The following SRP68 variants were observed in gnomAD, a reference collection of about 807,000 sequenced individuals.
The protein encoded by SRP68 is signal recognition particle subunit SRP68.
In SRP68, 15 loss-of-function variants were observed where a neutral mutation model predicts 82.2. That is an observed-to-expected ratio of 0.18 (90% CI 0.12 to 0.28). SRP68 has a LOEUF of 0.28. SRP68 is among the 10% of genes least tolerant of loss of function. The pLI, the probability that SRP68 is intolerant of heterozygous loss-of-function variation, is 1.00. For missense variants in SRP68, 595 were observed against 780.5 expected, an observed-to-expected ratio of 0.76 and a Z score of 2.83; for synonymous variants, 261 against 292.6, an observed-to-expected ratio of 0.89 and a Z score of 1.10.
In SRP68 at chr17:76,061,535, G is replaced by A; in HGVS notation, c.601C>T (p.His201Tyr). The change falls in exon 5 of 16, where the codon CAT (histidine) becomes TAT (tyrosine). Residue 201 changes from histidine to tyrosine, a missense_variant. Around this residue, in one of 2 missense-constraint regions of SRP68, gnomAD observed 495 missense variants for 688.6 expected, o/e 0.72. Coordinates refer to ENST00000307877, the MANE Select transcript of SRP68 (RefSeq NM_014230.4). ...AYLSGMLRFEHQEWKAAIEAF... is the reference protein window; with the variant it reads ...AYLSGMLRFEYQEWKAAIEAF... ...TCAATGGCAGCTTTCCATTCTTGAT[G>A]TTCAAAACGTAGCATTCCTGAGAGG... 1 of 1,614,034 alleles carries A rather than the reference G, an allele frequency of 6.2e-7. No homozygotes were observed. Among genetic ancestry groups the A allele is most frequent in the Non-Finnish European group, 8.5e-7 (1 of 1,179,992 alleles).
chr17:76,060,651 A>G, intron 6 of SRP68: 1 of 417,950 alleles, frequency 2.4e-6, no homozygotes. Context: ...ATCAAGCGTG[A>G]ACCCTGATGT....
chr17:76,055,959 A>G (rs1304686683), intron 8 of SRP68, among the ~76,000 whole-genome samples: 3 of 151,592 alleles, frequency 2.0e-5, no homozygotes, highest in Non-Finnish European at 4.4e-5. Flanking sequence ...GGTGCACGCC[A>G]CCACGCCCAG....
chr17:76,039,449 C>T lies in SRP68; in HGVS notation c.*257G>A, dbSNP rs2066572192. 1.6e-6 allele frequency: 1 copy of T among 636,474 alleles called. No individual in the cohort carries two copies. Among genetic ancestry groups the T allele is most frequent in the Admixed American group, 2.1e-5 (1 of 47,174 alleles). 39.4% of individuals were successfully genotyped at this position (636,474 alleles called of 1,614,324 possible). A position where few individuals can be genotyped will look rare whatever the true frequency, so the allele number is the denominator to read the frequency against. ...CAATCACAGCTCACAGGGCACCAGA[C>T]AGCAGCGGCCCCTTTCCCAGGAGGT... On this transcript the variant is annotated 3_prime_UTR_variant, in exon 16 of 16. Transcript: ENST00000307877.
rs372120965 is a variant in SRP68 at position 76,045,277 on chromosome 17, C to G, written c.1394+15G>C. ...TGGGAGGCGGAGGAAAACTGCCCAT[C>G]CCATGGGACGTTACCTGTAAGCTTT... On this transcript the variant is annotated intron_variant, in intron 12 of 15. Transcript: ENST00000307877. The G allele has an allele frequency of 3.9e-5, 62 of 1,606,984 alleles. No homozygotes were observed. The highest frequency in any genetic ancestry group is 3.4e-5 in the Admixed American group (2 of 59,632).
In SRP68 at chr17:76,071,185, C is replaced by G. The variant is rs1191954599; in HGVS notation, c.185-741G>C. On this transcript the variant is annotated intron_variant, in intron 1 of 15. Transcript: ENST00000307877. This position sits in a 1 kb window ranked among gnomAD's most constrained non-coding sequence, Gnocchi z 4.7. ...TACTAAGCCTCCATTTGCATAATCT[C>G]CAACACCTGCCAAATCTAACTTTCC... 3.3e-5 allele frequency among the ~76,000 whole-genome samples: 5 copies of G among 152,184 alleles called. No homozygotes were observed. Among genetic ancestry groups the G allele is most frequent in the Non-Finnish European group, 4.4e-5 (3 of 68,036 alleles).
chr17:76,056,651 C>T (rs886783765), intron 8 of SRP68, among the ~76,000 whole-genome samples: 17 of 152,332 alleles, frequency 1.1e-4, no homozygotes, highest in African/African-American at 4.1e-4. Flanking sequence ...AATTCCTCAA[C>T]ACATTAACAA....
intron 8 of SRP68, among the ~76,000 whole-genome samples, chr17:76,054,511 T>G (rs1239285708): frequency 1.3e-5 from 2 of 152,232 alleles, no homozygotes; most frequent in Non-Finnish European, 2.9e-5. Context: ...AAATGGTCCC[T>G]CTTCCACTCA....
At chr17:76,061,938 A>G (rs1047656225) in intron 4 of SRP68, among the ~76,000 whole-genome samples, 1 of 151,850 alleles carries the variant, frequency 6.6e-6, no homozygotes, top group Non-Finnish European at 1.5e-5. Flanking sequence ...CAAGAGTTCA[A>G]GATCGGCCTG....
chr17:76,060,549 G>A, intron 6 of SRP68, 159 bp from the exon 7 acceptor site: 1 of 580,936 alleles, frequency 1.7e-6, no homozygotes, highest in South Asian at 2.3e-5. Flanking sequence ...TATAAAGAAT[G>A]AAATTGACTG....
intron 4 of SRP68, among the ~76,000 whole-genome samples, chr17:76,063,474 G>A (rs528711018): frequency 1.3e-5 from 2 of 152,182 alleles, no homozygotes; most frequent in South Asian, 2.1e-4. Context: ...TGGATCACGA[G>A]GTCAGGAGCT....
chr17:76,072,155 C>T lies in SRP68; in HGVS notation c.184+153G>A. 6.9e-7 allele frequency: 1 copy of T among 1,447,470 alleles called. No individual in the cohort carries two copies. Among genetic ancestry groups the T allele is most frequent in the South Asian group, 1.3e-5 (1 of 78,702 alleles). The allele number at this position is 1,447,470 out of a possible 1,614,324, so 89.7% of individuals were successfully genotyped here. A position where few individuals can be genotyped will look rare whatever the true frequency, so the allele number is the denominator to read the frequency against. ...AGACTAGTCGAGAGACAGACCCCCCCCGGAATTCTGAGCACCAAAAGGTAA... is the reference window on the plus strand; with the variant it reads ...AGACTAGTCGAGAGACAGACCCCCCTCGGAATTCTGAGCACCAAAAGGTAA... On this transcript the variant is annotated intron_variant, in intron 1 of 15. Coordinates refer to ENST00000307877, the MANE Select transcript of SRP68 (RefSeq NM_014230.4). This position sits in a 1 kb window ranked among gnomAD's most constrained non-coding sequence, Gnocchi z 4.5.
chr17:76,063,421 C>A (rs958418218), intron 4 of SRP68, among the ~76,000 whole-genome samples: 11 of 152,130 alleles, frequency 7.2e-5, no homozygotes, highest in African/African-American at 9.7e-5. Context: ...TGCAGTGGCT[C>A]ACGCTTGCAA....
Position 76,061,211 on chromosome 17 carries a change from T to C in SRP68, c.653A>G (p.Tyr218Cys), listed in dbSNP as rs1336386658. ...IEAFNKCKTI[Y>C]EKLASAFTEE... Reference sequence around the variant, plus strand: ...TGTGAAAGCACTGGCTAGCTTCTCATAGATAGTTCTGCGAGAAAAGAAAAG... The same window carrying C: ...TGTGAAAGCACTGGCTAGCTTCTCACAGATAGTTCTGCGAGAAAAGAAAAG... Residue 218 changes from tyrosine to cysteine, a missense_variant, in exon 6 of 16, where the codon TAT becomes TGT. Around this residue, in one of 2 missense-constraint regions of SRP68, gnomAD observed 495 missense variants for 688.6 expected, o/e 0.72. Transcript: ENST00000307877. 1.2e-6 allele frequency: 2 copies of C among 1,608,642 alleles called. No homozygotes were observed. Among genetic ancestry groups the C allele is most frequent in the Non-Finnish European group, 1.7e-6 (2 of 1,175,746 alleles).
intron 4 of SRP68, among the ~76,000 whole-genome samples, chr17:76,062,029 G>A (rs746108688): frequency 8.6e-5 from 13 of 151,904 alleles, no homozygotes; most frequent in Admixed American, 2.6e-4. Flanking sequence ...GCTCATGCCT[G>A]TAATCCCAAC....
intron 2 of SRP68, among the ~76,000 whole-genome samples, chr17:76,068,067 GGATCACTTGATGTCAAGAGTTCGA>G (rs572461620): frequency 7.3e-4 from 111 of 152,162 alleles, no homozygotes; most frequent in African/African-American, 2.6e-3. Flanking sequence ...CGAGGTGGGC[GGATCACTTGATGTCAAGAGTTCGA>G]GACCAGCCTG....
intron 8 of SRP68, 140 bp from the exon 9 acceptor site, chr17:76,050,666 T>C: frequency 3.2e-6 from 2 of 617,990 alleles, no homozygotes; most frequent in Non-Finnish European, 5.9e-6. Context: ...ATTTTAATTG[T>C]TACTGTTCTC....
rs538574720 is a variant in SRP68 at position 76,040,050 on chromosome 17, T to A, written c.1657-117A>T. The A allele has an allele frequency of 7.2e-5, 72 of 1,000,868 alleles. 1 individual carries two copies. In the African/African-American group the frequency reaches 1.2e-3, roughly 16 times the overall value. 62.0% of individuals were successfully genotyped at this position (1,000,868 alleles called of 1,614,324 possible). On this transcript the variant is annotated intron_variant, in intron 15 of 15. Coordinates refer to ENST00000307877, the MANE Select transcript of SRP68 (RefSeq NM_014230.4). ...TACAGGGGCCATCTCACTCAATCAC[T>A]CAATCCCGACAGCCTCCTACGAGGA...
intron 8 of SRP68, among the ~76,000 whole-genome samples, chr17:76,051,439 C>A (rs1029628976): frequency 9.2e-5 from 14 of 152,170 alleles, no homozygotes; most frequent in African/African-American, 3.1e-4. Flanking sequence ...GAAATTAACA[C>A]TCAATCTGAA....
At chr17:76,067,412 G>T in intron 2 of SRP68, 82 bp from the exon 3 acceptor site, 1 of 936,750 alleles carries the variant, frequency 1.1e-6, no homozygotes, top group Non-Finnish European at 1.7e-6. Flanking sequence ...GCAAGGTCAA[G>T]GGTCAATGGT....
Sources: gnomAD v4.1 joint callset for allele counts (sites outside exome capture counted in the v4.1 genomes callset) on GRCh38, gnomAD v4.1.1 for gene constraint, gnomAD v4.1.1 regional missense constraint, Gnocchi (gnomAD v3.1) non-coding constraint, MANE v1.5 for transcripts, NCBI Gene and HGNC (gene_info 2026-07-23, HGNC 2026-07-21) for gene names.